PCDH7: variants seen among roughly 807,000 people sequenced by gnomAD.
PCDH7 encodes protocadherin-7.
Under a neutral mutation model 58.9 loss-of-function variants are expected in PCDH7, and 17 were observed. That is an observed-to-expected ratio of 0.29 (90% CI 0.20 to 0.43). The LOEUF is 0.43. Among genes scored for constraint, PCDH7 ranks in the 20% least tolerant of loss-of-function variants. The pLI is 1.00. For missense variants in PCDH7, 1,274 were observed against 1,441.0 expected, an observed-to-expected ratio of 0.88 and a Z score of 1.88; for synonymous variants, 664 against 616.4, an observed-to-expected ratio of 1.08 and a Z score of -1.14.
At chr4:30,860,619 T>C (rs1056872132) in intron 1 of PCDH7, among the ~76,000 whole-genome samples, 8 of 152,160 alleles carry the variant, frequency 5.3e-5, no homozygotes, top group African/African-American at 1.9e-4. Context: ...TCCCACATGA[T>C]TACCCTCTTG....
At chr4:31,100,529 C>A (rs753877052) in intron 3 of PCDH7, among the ~76,000 whole-genome samples, 2 of 152,248 alleles carry the variant, frequency 1.3e-5, no homozygotes, top group East Asian at 3.9e-4. Context: ...GCTTTTCTTG[C>A]GTGGTAAGCA....
At chr4:31,032,204 A>G (rs1431421393) in intron 3 of PCDH7, among the ~76,000 whole-genome samples, 1 of 152,238 alleles carries the variant, frequency 6.6e-6, no homozygotes, top group Non-Finnish European at 1.5e-5. Context: ...ATAGGATTAT[A>G]TTTGTATAAA....
chr4:30,879,500 G>A (rs1044863783), intron 1 of PCDH7, among the ~76,000 whole-genome samples: 1 of 151,938 alleles, frequency 6.6e-6, no homozygotes, highest in Non-Finnish European at 1.5e-5. Flanking sequence ...TTACGTGACA[G>A]TATCCTTGAA....
intron 3 of PCDH7, among the ~76,000 whole-genome samples, chr4:31,014,320 T>A (rs1029078316): frequency 5.9e-5 from 9 of 152,212 alleles, no homozygotes; most frequent in African/African-American, 2.2e-4. Context: ...TGATGAAATA[T>A]ACTTGACTTG....
At chr4:30,792,258 T>C (rs1724212317) in intron 1 of PCDH7, among the ~76,000 whole-genome samples, 1 of 152,202 alleles carries the variant, frequency 6.6e-6, no homozygotes, top group Admixed American at 6.5e-5. Flanking sequence ...GAAAGAAATA[T>C]ATTAATTAAT....
chr4:30,808,275 T>C (rs28758289), intron 1 of PCDH7, among the ~76,000 whole-genome samples: 1,879 of 152,338 alleles, frequency 0.012, 36 homozygotes, highest in African/African-American at 0.042. Context: ...TATTCGGTAA[T>C]TTTTCTTAAT....
At chr4:30,902,199 T>C (rs1740305055) in intron 1 of PCDH7, among the ~76,000 whole-genome samples, 1 of 152,326 alleles carries the variant, frequency 6.6e-6, no homozygotes, top group African/African-American at 2.4e-5. Flanking sequence ...GGGAAATGTC[T>C]GCTACCCGTT....
intron 1 of PCDH7, among the ~76,000 whole-genome samples, chr4:30,798,594 A>C (rs1725105385): frequency 6.6e-6 from 1 of 152,226 alleles, no homozygotes; most frequent in South Asian, 2.1e-4. Context: ...GAGTTCAGTT[A>C]AACTATTTAT....
At position 30,722,253 on chromosome 4, in the gene PCDH7, C is replaced by T. The variant is rs1054282316; in HGVS notation, c.831C>T (p.Thr277=). ...AGCAGCGCGACTCCTACGAGCTGAC[C>T]CTGCGAGTGCGCGACGGCGGCGACC... Residue 277 remains threonine (T), a synonymous_variant, in exon 1 of 2, where the codon ACC becomes ACT. Coordinates refer to ENST00000361762, the Ensembl canonical transcript of PCDH7. The surrounding 1 kb of genome is among the most constrained non-coding windows in gnomAD (Gnocchi z 7.6). 5 of 1,596,428 alleles carry T rather than the reference C, an allele frequency of 3.1e-6. No homozygotes were observed. In the African/African-American group the frequency reaches 4.0e-5, roughly 13 times the overall value.
chr4:30,814,275 G>T (rs1225981536), intron 1 of PCDH7, among the ~76,000 whole-genome samples: 1 of 151,786 alleles, frequency 6.6e-6, no homozygotes, highest in Non-Finnish European at 1.5e-5. Flanking sequence ...ATATATTGAA[G>T]AAAGCAAATA....
At chr4:31,083,822 G>T (rs918742589) in intron 3 of PCDH7, among the ~76,000 whole-genome samples, 1 of 152,196 alleles carries the variant, frequency 6.6e-6, no homozygotes, top group Non-Finnish European at 1.5e-5. Context: ...AATGTAGAGG[G>T]AATTACTGCA....
intron 1 of PCDH7, among the ~76,000 whole-genome samples, chr4:30,850,958 AT>A (rs903675891): frequency 4.0e-5 from 6 of 151,850 alleles, no homozygotes; most frequent in South Asian, 2.1e-4. Context: ...CCTGGTCTCT[AT>A]TTTTTTTCCT....
At chr4:30,970,050 C>A (rs1230719926) in intron 3 of PCDH7, among the ~76,000 whole-genome samples, 1 of 152,160 alleles carries the variant, frequency 6.6e-6, no homozygotes, top group Non-Finnish European at 1.5e-5. Context: ...ACTCATTTTG[C>A]CTCACCCAAT....
At chr4:30,983,757 T>C (rs938837200) in intron 3 of PCDH7, among the ~76,000 whole-genome samples, 3 of 152,226 alleles carry the variant, frequency 2.0e-5, no homozygotes, top group African/African-American at 7.2e-5. Flanking sequence ...TGTTCAGAAG[T>C]GCTAGTGGAT....
chr4:30,770,856 AC>A (rs902978165), intron 1 of PCDH7, among the ~76,000 whole-genome samples: 1 of 152,208 alleles, frequency 6.6e-6, no homozygotes, highest in Non-Finnish European at 1.5e-5. Context: ...TTTTAAAAAA[AC>A]AACCATATAC....
chr4:30,807,157 G>C (rs750645858), intron 1 of PCDH7, among the ~76,000 whole-genome samples: 1 of 152,132 alleles, frequency 6.6e-6, no homozygotes, highest in Non-Finnish European at 1.5e-5. Flanking sequence ...ATATTTAAGA[G>C]CTCTGAAAGA....
At chr4:31,057,988 G>A (rs1049358689) in intron 3 of PCDH7, among the ~76,000 whole-genome samples, 4 of 151,988 alleles carry the variant, frequency 2.6e-5, no homozygotes, top group African/African-American at 9.7e-5. Context: ...GAGAGTCTTA[G>A]GATTTAAATA....
At chr4:30,776,912 G>A (rs893922766) in intron 1 of PCDH7, among the ~76,000 whole-genome samples, 1 of 151,348 alleles carries the variant, frequency 6.6e-6, no homozygotes, top group South Asian at 2.1e-4. Context: ...TTTCAGTTAA[G>A]AACTTAAGGT....
intron 1 of PCDH7, chr4:30,793,850 G>A (rs950804849): frequency 6.6e-6 from 1 of 152,174 alleles, no homozygotes; most frequent in African/African-American, 2.4e-5. Context: ...TAGAAGATAA[G>A]TATAAAGGTA....
Sources: gnomAD v4.1 joint callset for allele counts (sites outside exome capture counted in the v4.1 genomes callset) on GRCh38, gnomAD v4.1.1 for gene constraint, Gnocchi (gnomAD v3.1) non-coding constraint, MANE v1.5 for transcripts, NCBI Gene and HGNC (gene_info 2026-07-23, HGNC 2026-07-21) for gene names.